TOP2B: variants seen among roughly 807,000 people sequenced by gnomAD.
TOP2B encodes the protein DNA topoisomerase 2-beta.
A neutral mutation model predicts 193.5 loss-of-function variants in TOP2B; 51 were observed. That is an observed-to-expected ratio of 0.26 (90% CI 0.21 to 0.33). The LOEUF (loss-of-function observed/expected upper bound fraction) is 0.33, where lower values mean the gene tolerates loss of function less well. Ranked by LOEUF, TOP2B falls within the 10% of genes least tolerant of loss-of-function variation. The pLI is 1.00. For missense variants in TOP2B, 1,378 were observed against 1,909.3 expected (o/e 0.72, Z 5.19); for synonymous variants, 634 against 635.7 (o/e 1.00, Z 0.04).
At chr3:25,635,848 C>G in intron 7 of TOP2B, 88 bp downstream of exon 7, 1 of 1,054,834 alleles carries the variant, frequency 9.5e-7, no homozygotes, top group Admixed American at 2.3e-5. Context: ...GTAAAAGAGA[C>G]TACCAGATGA....
chr3:25,599,356 T>C (rs1044435433), intron 35 of TOP2B, 79 bp downstream of exon 35: 6 of 1,351,186 alleles, frequency 4.4e-6, no homozygotes, highest in Middle Eastern at 1.8e-4. Flanking sequence ...TCCAGGACTA[T>C]AGTCATAAGC....
Position 25,637,308 on chromosome 3 carries a change from A to C in TOP2B, c.546T>G (p.Gly182=). The change falls in exon 6 of 36, where the codon GGT becomes GGG. Residue 182 remains glycine (G), a synonymous_variant. Transcript: ENST00000264331. ...AAAGTTTTGCACCATAACCATTACG[A>C]CCACCTGTAAGAAAAATTAAATGTA... is the stretch of plus-strand genomic sequence containing the variant. ...YDDDEKKVTG[G]RNGYGAKLCN... The C allele has an allele frequency of 6.5e-7, 1 of 1,548,282 alleles. No individual in the cohort carries two copies. The highest frequency in any genetic ancestry group is 1.2e-5 in the South Asian group (1 of 83,158).
At chr3:25,621,344 G>A (rs901830761) in intron 21 of TOP2B, among the ~76,000 whole-genome samples, 5 of 151,976 alleles carry the variant, frequency 3.3e-5, no homozygotes, top group African/African-American at 9.7e-5. Flanking sequence ...TGAATTACAA[G>A]TCCTCTCTCC....
At chr3:25,644,941 G>A (rs1302162205) in intron 2 of TOP2B, among the ~76,000 whole-genome samples, 3 of 150,802 alleles carry the variant, frequency 2.0e-5, no homozygotes, top group Non-Finnish European at 3.0e-5. Flanking sequence ...GACTACAGGC[G>A]CCCGCCACCA....
At chr3:25,613,108 G>T (rs541114798) in intron 27 of TOP2B, among the ~76,000 whole-genome samples, 13 of 151,854 alleles carry the variant, frequency 8.6e-5, no homozygotes, top group Non-Finnish European at 1.3e-4. Context: ...TGCTTTAGTC[G>T]TAATAGAAAA....
chr3:25,606,328 T>G (rs1174909244), intron 31 of TOP2B, among the ~76,000 whole-genome samples: 3 of 152,120 alleles, frequency 2.0e-5, no homozygotes, highest in Admixed American at 2.0e-4. Context: ...CCATGATCCA[T>G]GTGCACATAC....
In TOP2B at chr3:25,643,571, C is replaced by T. The variant is rs1175129903; in HGVS notation, c.331+123G>A. 5.5e-5 allele frequency: 37 copies of T among 670,540 alleles called. No homozygotes were observed. The South Asian group carries it at 7.6e-4, about 14-fold the overall frequency. The allele number at this position is 670,540 out of a possible 1,614,324, so 41.5% of individuals were successfully genotyped here. A position where few individuals can be genotyped will look rare whatever the true frequency, so the allele number is the denominator to read the frequency against. Reference sequence around the variant, plus strand: ...AAATTTTCTGAAGATCATTTATATTCAGAAGGATAAAAGCCAGAGATACAC... The same window carrying T: ...AAATTTTCTGAAGATCATTTATATTTAGAAGGATAAAAGCCAGAGATACAC... On this transcript the variant is annotated intron_variant, in intron 3 of 35. Transcript: ENST00000264331.
chr3:25,638,177 T>C lies in TOP2B; in HGVS notation c.529A>G (p.Lys177Glu). The part of the protein sequence containing the change: ...LTSSNYDDDE[K>E]KVTGGRNGYG... ...ATTCAGACTTTACCTGTAACTTTTT[T>C]CTCATCATCATCATAGTTACTGGAT... Residue 177 changes from lysine to glutamate, a missense_variant, in exon 5 of 36, where the codon AAA becomes GAA. Transcript: ENST00000264331. 6.4e-7 allele frequency: 1 copy of C among 1,569,088 alleles called. No homozygotes were observed. Among genetic ancestry groups the C allele is most frequent in the South Asian group, 1.2e-5 (1 of 84,700 alleles).
chr3:25,634,072 G>T (rs1456192172), intron 7 of TOP2B, 58 bp from the exon 8 acceptor site: 1 of 1,308,456 alleles, frequency 7.6e-7, no homozygotes, highest in Non-Finnish European at 1.1e-6. Context: ...TCAAATAGGT[G>T]AATCACCTTC....
At chr3:25,663,169 C>G (rs1001125447) in intron 1 of TOP2B, among the ~76,000 whole-genome samples, 1 of 152,184 alleles carries the variant, frequency 6.6e-6, no homozygotes, top group African/African-American at 2.4e-5. Context: ...GTCAGTAGCA[C>G]CCTTTTTATA....
intron 30 of TOP2B, among the ~76,000 whole-genome samples, chr3:25,607,889 C>T (rs1413130765): frequency 6.6e-6 from 1 of 152,202 alleles, no homozygotes; most frequent in Non-Finnish European, 1.5e-5. Context: ...TCAAGCAATC[C>T]TCACCCCTCA....
chr3:25,610,156 C>G (rs1702331794), intron 28 of TOP2B, among the ~76,000 whole-genome samples: 1 of 151,332 alleles, frequency 6.6e-6, no homozygotes, highest in Non-Finnish European at 1.5e-5. Flanking sequence ...AGCCTCTGGC[C>G]TGGGAAACAA....
At chr3:25,644,948 AC>A (rs1703372947) in intron 2 of TOP2B, among the ~76,000 whole-genome samples, 1 of 150,232 alleles carries the variant, frequency 6.7e-6, no homozygotes, top group East Asian at 2.0e-4. Context: ...GGCGCCCGCC[AC>A]CACACCCAGA....
intron 35 of TOP2B, 27 bp from the exon 36 acceptor site, chr3:25,598,504 A>AGTT (rs552599943): frequency 1.4e-4 from 216 of 1,530,258 alleles, no homozygotes; most frequent in East Asian, 1.2e-3. Context: ...TAGATTTAAA[A>AGTT]GTTATGAAAG....
At chr3:25,612,119 T>G (rs1702386799) in intron 28 of TOP2B, among the ~76,000 whole-genome samples, 1 of 151,830 alleles carries the variant, frequency 6.6e-6, no homozygotes, top group African/African-American at 2.4e-5. Context: ...TTTTTTGTAT[T>G]TTTTAGTAGA....
intron 1 of TOP2B, among the ~76,000 whole-genome samples, chr3:25,655,211 C>T (rs537507340): frequency 6.6e-6 from 1 of 152,148 alleles, no homozygotes; most frequent in East Asian, 1.9e-4. Flanking sequence ...CAAAATAACC[C>T]CATTCAAATG....
At chr3:25,619,766 G>T in intron 23 of TOP2B, 96 bp downstream of exon 23, 2 of 783,334 alleles carry the variant, frequency 2.6e-6, no homozygotes, top group Non-Finnish European at 4.0e-6. Context: ...AATGCCTTCA[G>T]GCTTACTATA....
At chr3:25,627,389 G>T in intron 15 of TOP2B, 93 bp from the exon 16 acceptor site, 1 of 732,078 alleles carries the variant, frequency 1.4e-6, no homozygotes, top group Non-Finnish European at 2.2e-6. Flanking sequence ...GTAATAGATG[G>T]ATCAAGCTGG....
At chr3:25,612,733 A>C (rs1270151750) in intron 27 of TOP2B, 24 bp from the exon 28 acceptor site, 5 of 1,582,494 alleles carry the variant, frequency 3.2e-6, no homozygotes, top group Non-Finnish European at 4.3e-6. Flanking sequence ...ATAAGGCAGA[A>C]GGAACATAAA....
Sources: allele counts gnomAD v4.1 joint callset (sites outside exome capture counted in the v4.1 genomes callset), GRCh38; gene constraint gnomAD v4.1.1; transcripts MANE v1.5; gene names NCBI Gene and HGNC (gene_info 2026-07-23, HGNC 2026-07-21).